The following FRMD6 variants were observed in gnomAD, a reference collection of about 807,000 sequenced individuals.
FRMD6 encodes the protein FERM domain containing 6.
Under a neutral mutation model 73.2 loss-of-function variants are expected in FRMD6, and 37 were observed. That is an observed-to-expected ratio of 0.51 (90% confidence interval 0.39 to 0.66). FRMD6 has a LOEUF of 0.66. Among genes scored for constraint, FRMD6 ranks in the 30% least tolerant of loss-of-function variants. FRMD6 has a pLI of 0.00. For synonymous variants in FRMD6, 273 were observed against 282.2 expected, an observed-to-expected ratio of 0.97 and a Z score of 0.33; for missense variants, 714 against 780.5, an observed-to-expected ratio of 0.91 and a Z score of 1.02.
At chr14:51,424,295 G>A in the FRMD6 span, among the ~76,000 whole-genome samples, 1 of 152,174 alleles carries the variant, frequency 6.6e-6, no homozygotes, top group African/African-American at 2.4e-5. Context: ...CCTGTACTGA[G>A]ATGACCACCC....
At chr14:51,446,948 G>T in the FRMD6 span, among the ~76,000 whole-genome samples, 2 of 152,174 alleles carry the variant, frequency 1.3e-5, no homozygotes, top group African/African-American at 4.8e-5. Flanking sequence ...TGGGCAGGAT[G>T]GGGATGGGCT....
the FRMD6 span, among the ~76,000 whole-genome samples, chr14:51,454,987 A>T: frequency 6.6e-6 from 1 of 152,142 alleles, no homozygotes; most frequent in Non-Finnish European, 1.5e-5. Context: ...AGTTTTAAAA[A>T]CCTGTTAAAT....
the FRMD6 span, among the ~76,000 whole-genome samples, chr14:51,444,056 G>A: frequency 2.6e-5 from 4 of 150,968 alleles, no homozygotes; most frequent in South Asian, 8.4e-4. Flanking sequence ...AGCCTCCCAA[G>A]TAGCTGGGAT....
At chr14:51,561,876 C>A (rs764773615) in intron 1 of FRMD6, among the ~76,000 whole-genome samples, 1 of 152,072 alleles carries the variant, frequency 6.6e-6, no homozygotes, top group Non-Finnish European at 1.5e-5. Flanking sequence ...TGATTGTTAT[C>A]CCAAATGAAA....
chr14:51,446,424 G>A, the FRMD6 span, among the ~76,000 whole-genome samples: 1 of 65,106 alleles, frequency 1.5e-5, no homozygotes, highest in East Asian at 3.8e-4. Context: ...CCAGAGGAGG[G>A]TAGTCCTTCT....
At chr14:51,441,861 G>A in the FRMD6 span, among the ~76,000 whole-genome samples, 1 of 152,198 alleles carries the variant, frequency 6.6e-6, no homozygotes. Flanking sequence ...TAAATATGCA[G>A]TGACATTAAA....
Position 51,594,783 on chromosome 14 carries a change from T to G in FRMD6, c.-147+24373T>G, listed in dbSNP as rs546088415. On this transcript the variant is annotated intron_variant, in intron 2 of 14. Transcript: ENST00000356218. ...CGGCCATGAGTACATGGGTTAACCC[T>G]TGTCCACCCCAGGGACCCAACTCCC... is the stretch of plus-strand genomic sequence containing the variant. 2.0e-5 allele frequency among the ~76,000 whole-genome samples: 3 copies of G among 152,288 alleles called. No homozygotes were observed. In the South Asian group the frequency reaches 6.2e-4, roughly 32 times the overall value.
chr14:51,550,013 G>C (rs1274928481), intron 1 of FRMD6, among the ~76,000 whole-genome samples: 1 of 152,154 alleles, frequency 6.6e-6, no homozygotes, highest in Admixed American at 6.5e-5. Flanking sequence ...TTTTTAAATA[G>C]TGCCTGTCCT....
At chr14:51,673,170 G>A (rs996471203) in intron 1 of FRMD6, among the ~76,000 whole-genome samples, 48 of 152,076 alleles carry the variant, frequency 3.2e-4, no homozygotes, top group African/African-American at 1.1e-3. Flanking sequence ...TTCTCCTCTG[G>A]CTAGTGGGAA....
At chr14:51,602,303 A>G (rs1187278586) in intron 2 of FRMD6, among the ~76,000 whole-genome samples, 2 of 152,076 alleles carry the variant, frequency 1.3e-5, no homozygotes, top group African/African-American at 2.4e-5. Context: ...AGGAGAAGGG[A>G]GGGTTGGAAA....
rs1452338155 is a variant in FRMD6, at chr14:51,497,259, C to A, written c.-210+7839C>A. Among the ~76,000 whole-genome samples the A allele has an allele frequency of 3.4e-4, 47 of 139,404 alleles. 1 individual carries two copies. Among genetic ancestry groups the A allele is most frequent in the African/African-American group, 1.2e-3 (46 of 37,112 alleles). 91.5% of individuals were successfully genotyped at this position (139,404 alleles called of 152,430 possible). A position where few individuals can be genotyped will look rare whatever the true frequency, so the allele number is the denominator to read the frequency against. On this transcript the variant is annotated intron_variant, in intron 1 of 14. Transcript: ENST00000356218. ...CTTTTTTTTTTTTTTTTTTAAGAAA[C>A]AACCTATGTTTTCAGCCAAGTATCT...
chr14:51,433,322 A>C, the FRMD6 span, among the ~76,000 whole-genome samples: 78,110 of 152,016 alleles, frequency 0.51, 20,405 homozygotes, highest in East Asian at 0.67. Flanking sequence ...ATTGAATAAA[A>C]CCATGGTTCA....
chr14:51,494,195 C>T (rs1596490847), intron 1 of FRMD6, among the ~76,000 whole-genome samples: 1 of 152,200 alleles, frequency 6.6e-6, no homozygotes, highest in African/African-American at 2.4e-5. Flanking sequence ...AGAGTCTTAA[C>T]TTATTTCAGC....
chr14:51,531,467 A>G (rs1385244130), intron 1 of FRMD6, among the ~76,000 whole-genome samples: 1 of 152,230 alleles, frequency 6.6e-6, no homozygotes, highest in Non-Finnish European at 1.5e-5. Context: ...AGCCACAAGG[A>G]GAAATGACAA....
At chr14:51,616,259 G>T (rs189868157) in intron 2 of FRMD6, among the ~76,000 whole-genome samples, 1 of 152,132 alleles carries the variant, frequency 6.6e-6, no homozygotes, top group Non-Finnish European at 1.5e-5. Context: ...ACTTACCGGG[G>T]TTATCTAGGG....
intron 2 of FRMD6, chr14:51,692,675 C>G (rs1032562377): frequency 6.6e-6 from 1 of 152,134 alleles, no homozygotes; most frequent in Non-Finnish European, 1.5e-5. Flanking sequence ...TTCATTTGTT[C>G]CTATGGATCA....
intron 2 of FRMD6, among the ~76,000 whole-genome samples, chr14:51,622,799 A>G (rs1890971925): frequency 6.6e-6 from 1 of 152,072 alleles, no homozygotes; most frequent in Non-Finnish European, 1.5e-5. Flanking sequence ...AGGGTCTTAC[A>G]CTGTCACCCA....
intron 2 of FRMD6, chr14:51,579,405 G>C (rs1888587440): frequency 6.6e-6 from 1 of 152,118 alleles, no homozygotes; most frequent in South Asian, 2.1e-4. Flanking sequence ...TCCCATGGCT[G>C]TTCCTGAAAG....
the FRMD6 span, among the ~76,000 whole-genome samples, chr14:51,404,850 T>C: frequency 6.6e-6 from 1 of 152,202 alleles, no homozygotes; most frequent in East Asian, 1.9e-4. Context: ...CCAGGATATG[T>C]TGTATAGATT....
Sources: allele counts gnomAD v4.1 joint callset (sites outside exome capture counted in the v4.1 genomes callset), GRCh38; gene constraint gnomAD v4.1.1; transcripts MANE v1.5; gene names NCBI Gene and HGNC (gene_info 2026-07-23, HGNC 2026-07-21).